PTPRT: variants seen among roughly 807,000 people sequenced by gnomAD.
PTPRT encodes the protein receptor-type tyrosine-protein phosphatase T.
A neutral mutation model predicts 176.8 loss-of-function variants in PTPRT; 56 were observed. That is an observed-to-expected ratio of 0.32 (90% CI 0.26 to 0.40). PTPRT has a LOEUF of 0.40. Ranked by LOEUF, PTPRT falls within the 10% of genes least tolerant of loss-of-function variation. PTPRT has a pLI of 1.00. For synonymous variants in PTPRT, 783 were observed against 739.0 expected, an observed-to-expected ratio of 1.06 and a Z score of -0.96; for missense variants, 1,540 against 1,908.2, an observed-to-expected ratio of 0.81 and a Z score of 3.60.
At chr20:42,598,625 A>G (rs147007777) in intron 7 of PTPRT, among the ~76,000 whole-genome samples, 16 of 152,068 alleles carry the variant, frequency 1.1e-4, no homozygotes, top group African/African-American at 3.9e-4. Flanking sequence ...CATGTACATT[A>G]TTTTCATAGT....
intron 5 of PTPRT, among the ~76,000 whole-genome samples, chr20:42,767,029 C>G (rs34891076): frequency 0.066 from 10,067 of 152,252 alleles, 1,021 homozygotes; most frequent in African/African-American, 0.22. Flanking sequence ...CACTCCTCTA[C>G]TGCTTGGACA....
At chr20:42,153,962 G>A (rs892315005) in intron 17 of PTPRT, among the ~76,000 whole-genome samples, 3 of 152,194 alleles carry the variant, frequency 2.0e-5, no homozygotes, top group Admixed American at 2.0e-4. Flanking sequence ...AAACCACAGC[G>A]GTCACTGATG....
intron 7 of PTPRT, among the ~76,000 whole-genome samples, chr20:42,603,301 G>A (rs1164447275): frequency 2.0e-5 from 3 of 152,098 alleles, no homozygotes; most frequent in Admixed American, 6.6e-5. Flanking sequence ...TATTTGAGCC[G>A]AGACTAAAAT....
At chr20:42,523,410 T>C (rs2072212389) in intron 7 of PTPRT, among the ~76,000 whole-genome samples, 1 of 152,210 alleles carries the variant, frequency 6.6e-6, no homozygotes, top group East Asian at 1.9e-4. Flanking sequence ...GTCTCATTGT[T>C]GGACAACCTG....
intron 5 of PTPRT, among the ~76,000 whole-genome samples, 158 bp downstream of exon 5, chr20:42,771,277 C>A (rs2077058399): frequency 6.6e-6 from 1 of 152,206 alleles, no homozygotes; most frequent in African/African-American, 2.4e-5. Flanking sequence ...TATAATTACC[C>A]CAGTTTGTAA....
chr20:43,070,969 A>G (rs1285820252), intron 1 of PTPRT, among the ~76,000 whole-genome samples: 82 of 45,782 alleles, frequency 1.8e-3, no homozygotes, highest in Non-Finnish European at 4.2e-3. Flanking sequence ...AAGTATAATT[A>G]AAAAAAAAAA....
At position 42,086,493 on chromosome 20, in the gene PTPRT, G is replaced by A. The variant is rs958530154; in HGVS notation, c.3847-640C>T. Among the ~76,000 whole-genome samples the A allele has an allele frequency of 2.2e-4, 34 of 151,672 alleles. 1 individual carries two copies. Among genetic ancestry groups the A allele is most frequent in the African/African-American group, 5.3e-4 (22 of 41,230 alleles). On this transcript the variant is annotated intron_variant, in intron 27 of 30. Coordinates refer to ENST00000373187, the MANE Select transcript of PTPRT (RefSeq NM_007050.6). ...AGAATAATATCTACCTCTAAGCCCCGCTGTCAGGATTAGATAGAACATGCT... is the reference window on the plus strand; with the variant it reads ...AGAATAATATCTACCTCTAAGCCCCACTGTCAGGATTAGATAGAACATGCT...
At chr20:42,816,535 C>G (rs926469793) in intron 2 of PTPRT, among the ~76,000 whole-genome samples, 1 of 152,080 alleles carries the variant, frequency 6.6e-6, no homozygotes, top group East Asian at 1.9e-4. Flanking sequence ...CCCCACATGT[C>G]GAGGAAGGGA....
chr20:42,771,292 G>A, intron 5 of PTPRT, 143 bp downstream of exon 5: 1 of 733,002 alleles, frequency 1.4e-6, no homozygotes, highest in Non-Finnish European at 2.3e-6. Context: ...TTGTAAGCAA[G>A]GGTGGGCTCC....
intron 1 of PTPRT, among the ~76,000 whole-genome samples, chr20:43,028,430 C>A (rs1986007380): frequency 6.6e-6 from 1 of 152,196 alleles, no homozygotes; most frequent in Admixed American, 6.5e-5. Context: ...AATACTCTCT[C>A]TTCCTCGACC....
chr20:43,135,314 C>T (rs576740856), intron 1 of PTPRT, among the ~76,000 whole-genome samples: 88 of 152,194 alleles, frequency 5.8e-4, no homozygotes, highest in African/African-American at 1.9e-3. Flanking sequence ...TTTACAAAAA[C>T]GTGAACACAC....
intron 6 of PTPRT, among the ~76,000 whole-genome samples, chr20:42,681,161 G>A (rs924286314): frequency 2.0e-5 from 3 of 152,154 alleles, no homozygotes; most frequent in Non-Finnish European, 2.9e-5. Flanking sequence ...AAAATACATA[G>A]ACAAACCCTA....
At chr20:42,649,342 C>T (rs759824559) in intron 7 of PTPRT, among the ~76,000 whole-genome samples, 3 of 152,118 alleles carry the variant, frequency 2.0e-5, no homozygotes, top group African/African-American at 4.8e-5. Context: ...ATTCAATTAC[C>T]TCTCACTGGA....
intron 1 of PTPRT, among the ~76,000 whole-genome samples, chr20:43,180,447 GAT>G (rs144915810): frequency 1.4e-5 from 2 of 141,284 alleles, no homozygotes; most frequent in African/African-American, 5.1e-5. Flanking sequence ...GGGAGAGAGG[GAT>G]ATATATATAT....
chr20:42,263,717 G>T (rs2056794009), intron 13 of PTPRT, among the ~76,000 whole-genome samples: 1 of 149,902 alleles, frequency 6.7e-6, no homozygotes, highest in Non-Finnish European at 1.5e-5. Flanking sequence ...TAGAGACATG[G>T]TCTCACTATA....
chr20:42,654,504 C>A (rs531833001), intron 7 of PTPRT, among the ~76,000 whole-genome samples: 1 of 152,174 alleles, frequency 6.6e-6, no homozygotes, highest in Non-Finnish European at 1.5e-5. Flanking sequence ...ATTGAGGGCA[C>A]GAAACTATTC....
intron 12 of PTPRT, among the ~76,000 whole-genome samples, chr20:42,283,818 G>A (rs1032321431): frequency 6.6e-6 from 1 of 152,070 alleles, no homozygotes; most frequent in African/African-American, 2.4e-5. Flanking sequence ...GTATCCAGAA[G>A]TAGAGAAGAC....
At chr20:42,331,305 A>G (rs2145435682) in intron 11 of PTPRT, among the ~76,000 whole-genome samples, 1 of 152,310 alleles carries the variant, frequency 6.6e-6, no homozygotes, top group Non-Finnish European at 1.5e-5. Context: ...GCTTTTACAG[A>G]GGAAGATGTT....
chr20:43,117,606 C>A (rs1244615510), intron 1 of PTPRT, among the ~76,000 whole-genome samples: 1 of 152,104 alleles, frequency 6.6e-6, no homozygotes, highest in East Asian at 1.9e-4. Context: ...GACAGGGTAA[C>A]AGAAACTCTC....
Sources: allele counts gnomAD v4.1 joint callset (sites outside exome capture counted in the v4.1 genomes callset), GRCh38; gene constraint gnomAD v4.1.1; transcripts MANE v1.5; gene names NCBI Gene and HGNC (gene_info 2026-07-23, HGNC 2026-07-21).